Variants in COLEC11 observed in about 807,000 individuals in gnomAD.
COLEC11 encodes collectin-11.
A neutral mutation model predicts 27.3 loss-of-function variants in COLEC11; 20 were observed. The ratio of observed to expected loss-of-function variants is 0.73; its 90% CI spans 0.51 to 1.06. The LOEUF (loss-of-function observed/expected upper bound fraction) is 1.06. Ranked by LOEUF, COLEC11 falls within the 50% of genes least tolerant of loss-of-function variation. The pLI is 0.00. For missense variants in COLEC11, 310 were observed against 383.0 expected, an observed-to-expected ratio of 0.81 and a Z score of 1.59; for synonymous variants, 163 against 154.7, an observed-to-expected ratio of 1.05 and a Z score of -0.40.
intron 3 of COLEC11, among the ~76,000 whole-genome samples, chr2:3,618,782 T>C (rs1269250315): frequency 6.6e-6 from 1 of 151,820 alleles, no homozygotes; most frequent in Non-Finnish European, 1.5e-5. Flanking sequence ...AGTATGGACA[T>C]TTTGAAATAT....
chr2:3,623,538 A>T (rs1664322144), intron 3 of COLEC11, among the ~76,000 whole-genome samples: 1 of 151,914 alleles, frequency 6.6e-6, no homozygotes. Flanking sequence ...CCTGTCATCA[A>T]GCTCACATAT....
chr2:3,632,678 C>CT (rs1665105801), intron 3 of COLEC11, among the ~76,000 whole-genome samples: 1 of 152,204 alleles, frequency 6.6e-6, no homozygotes, highest in Non-Finnish European at 1.5e-5. Flanking sequence ...GATGGTGCTG[C>CT]TAGGGACGTT....
chr2:3,604,570 C>T (rs139066469), intron 2 of COLEC11, 100 bp downstream of exon 2: 7 of 1,347,826 alleles, frequency 5.2e-6, no homozygotes, highest in Middle Eastern at 3.6e-4. Flanking sequence ...CACAAAGCCC[C>T]AGCAAATCTG....
intron 1 of COLEC11, 179 bp from the exon 2 acceptor site, chr2:3,604,136 G>A (rs1287441847): frequency 3.0e-6 from 2 of 676,392 alleles, no homozygotes; most frequent in African/African-American, 1.8e-5. Context: ...TGCTGTGGAA[G>A]CTTCTCAGTG....
chr2:3,638,222 G>A (rs1287641075), intron 4 of COLEC11, among the ~76,000 whole-genome samples: 4 of 152,212 alleles, frequency 2.6e-5, no homozygotes, highest in African/African-American at 9.7e-5. Context: ...CAGGCAAGGG[G>A]TTGCTCAGAA....
chr2:3,603,380 G>C (rs905405667), intron 1 of COLEC11: 9 of 442,962 alleles, frequency 2.0e-5, no homozygotes, highest in African/African-American at 1.4e-4. Context: ...GTAGTGGCGT[G>C]ATCTCAGGTC....
intron 3 of COLEC11, among the ~76,000 whole-genome samples, chr2:3,622,469 A>G (rs1024882677): frequency 2.6e-5 from 4 of 152,250 alleles, no homozygotes; most frequent in South Asian, 4.1e-4. Flanking sequence ...GACTATTGCT[A>G]TCATTTGAAT....
intron 1 of COLEC11, chr2:3,601,905 C>T (rs1662259443): frequency 6.6e-6 from 1 of 152,084 alleles, no homozygotes. Flanking sequence ...CGATTTTTTT[C>T]AGATTTGGGA....
chr2:3,637,545 A>G lies in COLEC11; in HGVS notation c.215A>G (p.Asp72Gly). ...TTGTTTTCTACAGGAGACATGGGGG[A>G]CAAAGGACAGAAAGGCAGTGTGGGT... ...GPTGEKGDMGDKGQKGSVGRH... is the reference protein window; with the variant it reads ...GPTGEKGDMGGKGQKGSVGRH... Residue 72 changes from aspartate to glycine, a missense_variant, in exon 4 of 7, where the codon GAC (aspartate) becomes GGC (glycine). Physicochemically the swap from Asp to Gly is moderately conservative, Grantham distance 94. Coordinates refer to ENST00000349077, the MANE Select transcript of COLEC11 (RefSeq NM_024027.5). 6.2e-7 allele frequency: 1 copy of G among 1,614,110 alleles called. No homozygotes were observed. Among genetic ancestry groups the G allele is most frequent in the Non-Finnish European group, 8.5e-7 (1 of 1,179,974 alleles).
intron 2 of COLEC11, chr2:3,606,333 TC>T: frequency 1.8e-6 from 2 of 1,133,808 alleles, no homozygotes; most frequent in Non-Finnish European, 2.6e-6. Context: ...GGAGGGTCCT[TC>T]CCAGCTGTCC....
At chr2:3,627,408 C>T (rs991947475) in intron 3 of COLEC11, among the ~76,000 whole-genome samples, 6 of 142,222 alleles carry the variant, frequency 4.2e-5, no homozygotes, top group East Asian at 2.2e-4. Flanking sequence ...CTGGGCACGA[C>T]GATGGGCACA....
intron 3 of COLEC11, among the ~76,000 whole-genome samples, chr2:3,621,370 G>T (rs1190327336): frequency 1.3e-5 from 2 of 152,164 alleles, no homozygotes; most frequent in Non-Finnish European, 2.9e-5. Flanking sequence ...GTTTCAATTT[G>T]TGTGGAATAT....
intron 2 of COLEC11, among the ~76,000 whole-genome samples, 157 bp from the exon 3 acceptor site, chr2:3,613,154 G>A (rs547659610): frequency 4.1e-5 from 6 of 146,176 alleles, no homozygotes; most frequent in East Asian, 1.9e-4. Context: ...CCAGAGTAGC[G>A]GCTGGGCTGC....
chr2:3,633,017 T>C (rs1445310111), intron 3 of COLEC11, among the ~76,000 whole-genome samples: 2 of 152,094 alleles, frequency 1.3e-5, no homozygotes, highest in Non-Finnish European at 2.9e-5. Flanking sequence ...CGCGAGGGGC[T>C]TCCTCCCCAC....
Position 3,604,353 on chromosome 2 carries a change from C to A in COLEC11, c.13C>A (p.Leu5Met), listed in dbSNP as rs533111257. The A allele has an allele frequency of 1.9e-6, 3 of 1,614,256 alleles. No homozygotes were observed. The highest frequency in any genetic ancestry group is 2.5e-6 in the Non-Finnish European group (3 of 1,180,048). The change falls in exon 2 of 7, where the codon CTG becomes ATG. Residue 5 changes from leucine to methionine, a missense_variant. Physicochemically the swap from Leu to Met is conservative, Grantham distance 15 (BLOSUM62 2). Transcript: ENST00000349077. MRGN[L>M]ALVGVLISLA... ...GCCTGCGCTCAGGATGAGGGGGAAT[C>A]TGGCCCTGGTGGGCGTTCTAATCAG...
intron 3 of COLEC11, among the ~76,000 whole-genome samples, chr2:3,630,580 A>C (rs1238281628): frequency 6.6e-6 from 1 of 152,208 alleles, no homozygotes; most frequent in East Asian, 1.9e-4. Flanking sequence ...AAAGAGCCAA[A>C]CTGGGAAAGT....
chr2:3,608,811 G>A (rs973730080), intron 2 of COLEC11, among the ~76,000 whole-genome samples: 17 of 152,372 alleles, frequency 1.1e-4, no homozygotes, highest in Admixed American at 7.8e-4. Context: ...GGGCAGCCCC[G>A]CCGTGGATGG....
intron 3 of COLEC11, among the ~76,000 whole-genome samples, chr2:3,615,832 C>T (rs188699550): frequency 3.1e-3 from 58 of 18,752 alleles, no homozygotes; most frequent in African/African-American, 5.9e-3. Context: ...CTCCCGGACG[C>T]GGCGGCTGGC....
chr2:3,597,126 G>A (rs2147837338), intron 1 of COLEC11, among the ~76,000 whole-genome samples: 1 of 152,094 alleles, frequency 6.6e-6, no homozygotes, highest in African/African-American at 2.4e-5. Flanking sequence ...AGTGAAGTGA[G>A]GGAAGGCACA....
Sources: allele counts gnomAD v4.1 joint callset (sites outside exome capture counted in the v4.1 genomes callset), GRCh38; gene constraint gnomAD v4.1.1; transcripts MANE v1.5; gene names NCBI Gene and HGNC (gene_info 2026-07-23, HGNC 2026-07-21).